The following MCTP1 variants were observed in gnomAD, a reference collection of about 807,000 sequenced individuals.
MCTP1 encodes the protein multiple C2 and transmembrane domain-containing protein 1.
MCTP1 carries 69 observed loss-of-function variants against 120.6 expected under a neutral mutation model. That is an observed-to-expected ratio of 0.57 (90% confidence interval 0.47 to 0.70). The LOEUF (loss-of-function observed/expected upper bound fraction) is 0.70, where lower values mean the gene tolerates loss of function less well. Among genes scored for constraint, MCTP1 ranks in the 30% least tolerant of loss-of-function variants. MCTP1 has a pLI of 0.00. For synonymous variants in MCTP1, 529 were observed against 493.1 expected, an observed-to-expected ratio of 1.07 and a Z score of -0.96; for missense variants, 1,203 against 1,248.8, an observed-to-expected ratio of 0.96 and a Z score of 0.55.
At chr5:95,107,552 T>C (rs1326432624) in intron 1 of MCTP1, among the ~76,000 whole-genome samples, 1 of 152,172 alleles carries the variant, frequency 6.6e-6, no homozygotes, top group East Asian at 1.9e-4. Context: ...AATGCCAAGG[T>C]TAAGAGGTAC....
intron 1 of MCTP1, among the ~76,000 whole-genome samples, chr5:95,207,966 A>AGG (rs928391551): frequency 3.2e-5 from 3 of 94,504 alleles, no homozygotes; most frequent in African/African-American, 1.0e-4. Flanking sequence ...AGGGAGAGAG[A>AGG]GGGAGAGAGA....
intron 1 of MCTP1, among the ~76,000 whole-genome samples, chr5:95,049,680 A>G (rs1367942397): frequency 1.3e-5 from 2 of 152,194 alleles, no homozygotes; most frequent in African/African-American, 4.8e-5. Context: ...ATTTGTTAAT[A>G]ATTATCTAAT....
chr5:94,880,553 A>G (rs950563813), intron 12 of MCTP1, among the ~76,000 whole-genome samples: 2 of 152,114 alleles, frequency 1.3e-5, no homozygotes, highest in African/African-American at 4.8e-5. Flanking sequence ...TTGTCTCTTT[A>G]TTCCTCTTTT....
intron 12 of MCTP1, among the ~76,000 whole-genome samples, chr5:94,886,887 A>G (rs752392353): frequency 3.3e-4 from 50 of 152,042 alleles, no homozygotes; most frequent in Non-Finnish European, 5.9e-4. Context: ...GTGTGTGTGT[A>G]TATATAAAGT....
At chr5:95,166,917 C>CTTT (rs386404479) in intron 1 of MCTP1, among the ~76,000 whole-genome samples, 2,466 of 137,808 alleles carry the variant, frequency 0.018, 64 homozygotes, top group African/African-American at 0.051. Flanking sequence ...CCTTTCTATT[C>CTTT]TTTTTTTTTT....
chr5:95,210,425 G>A (rs1423713209), intron 1 of MCTP1, among the ~76,000 whole-genome samples: 1 of 150,614 alleles, frequency 6.6e-6, no homozygotes, highest in Non-Finnish European at 1.5e-5. Context: ...TTACCATTAT[G>A]TAGTGGCCTT....
At chr5:95,077,127 T>C (rs1753767829) in intron 1 of MCTP1, among the ~76,000 whole-genome samples, 1 of 152,148 alleles carries the variant, frequency 6.6e-6, no homozygotes, top group Non-Finnish European at 1.5e-5. Flanking sequence ...TCTAATGAAA[T>C]ATTGTGGGGA....
chr5:94,889,035 G>A (rs1293213241), intron 11 of MCTP1, 63 bp from the exon 12 acceptor site: 6 of 1,067,588 alleles, frequency 5.6e-6, no homozygotes, highest in Non-Finnish European at 1.4e-6. Flanking sequence ...AGAGTGTGCT[G>A]AGAAAACATT....
chr5:95,116,473 T>C (rs1260560147), intron 1 of MCTP1, among the ~76,000 whole-genome samples: 1 of 152,200 alleles, frequency 6.6e-6, no homozygotes, highest in Non-Finnish European at 1.5e-5. Context: ...GCATGATGCC[T>C]CCAGTTTTGT....
intron 1 of MCTP1, among the ~76,000 whole-genome samples, chr5:95,085,348 T>C (rs1755346052): frequency 6.6e-6 from 1 of 152,038 alleles, no homozygotes; most frequent in African/African-American, 2.4e-5. Flanking sequence ...ATAAACAAGA[T>C]ATTAATTTGC....
At chr5:94,848,391 G>A (rs770412400) in intron 17 of MCTP1, among the ~76,000 whole-genome samples, 6 of 151,722 alleles carry the variant, frequency 4.0e-5, no homozygotes, top group Non-Finnish European at 7.4e-5. Context: ...AGCCTTGGGG[G>A]TCACCCTCCG....
At chr5:95,198,119 A>G (rs965412077) in intron 1 of MCTP1, among the ~76,000 whole-genome samples, 1 of 152,108 alleles carries the variant, frequency 6.6e-6, no homozygotes, top group Non-Finnish European at 1.5e-5. Flanking sequence ...ACCTATATAC[A>G]TATATATGTG....
At chr5:95,080,823 T>C (rs1206016669) in intron 1 of MCTP1, among the ~76,000 whole-genome samples, 1 of 152,178 alleles carries the variant, frequency 6.6e-6, no homozygotes, top group Admixed American at 6.6e-5. Flanking sequence ...AGTGAGAAAG[T>C]AGGCAGTGAT....
chr5:95,092,370 A>G (rs1400778950), intron 1 of MCTP1, among the ~76,000 whole-genome samples: 13 of 152,230 alleles, frequency 8.5e-5, no homozygotes, highest in Admixed American at 8.5e-4. Context: ...ACTTGGAGAT[A>G]TAGCCAGAGG....
intron 1 of MCTP1, among the ~76,000 whole-genome samples, chr5:95,242,225 T>G (rs184108047): frequency 7.2e-4 from 110 of 152,294 alleles, no homozygotes; most frequent in African/African-American, 2.6e-3. Flanking sequence ...TTTTCCCTTT[T>G]GTGTTTCCTA....
chr5:95,132,643 T>C (rs1345673315), intron 1 of MCTP1, among the ~76,000 whole-genome samples: 1 of 152,152 alleles, frequency 6.6e-6, no homozygotes, highest in Non-Finnish European at 1.5e-5. Context: ...CGCTCTATCC[T>C]CTGCCAGGTG....
At chr5:94,740,349 AATGAGT>A (rs1765233039) in intron 19 of MCTP1, among the ~76,000 whole-genome samples, 1 of 152,226 alleles carries the variant, frequency 6.6e-6, no homozygotes, top group African/African-American at 2.4e-5. Flanking sequence ...TGACACTGAT[AATGAGT>A]ATGTTTCAGA....
chr5:94,707,559 G>A lies in MCTP1; in HGVS notation c.2937C>T (p.Tyr979=). ...RVPSDVQVVQ[Y]QELKPDPSHS... ...GAGAAGGATCTGGTTTCAGTTCTTG[G>A]TATTGCACCTGTTTAAACAGAGTTC... The change falls in exon 23 of 23, where the codon TAC becomes TAT. Residue 979 remains tyrosine (Y), a synonymous_variant. Coordinates refer to ENST00000515393, the MANE Select transcript of MCTP1 (RefSeq NM_024717.7). 1.2e-6 allele frequency: 2 copies of A among 1,611,286 alleles called. No homozygotes were observed. Among genetic ancestry groups the A allele is most frequent in the African/African-American group, 1.3e-5 (1 of 74,806 alleles).
chr5:94,859,088 C>G (rs1388132634), intron 17 of MCTP1, among the ~76,000 whole-genome samples: 2 of 151,606 alleles, frequency 1.3e-5, no homozygotes, highest in Non-Finnish European at 3.0e-5. Context: ...TCCATTTTAA[C>G]TACATATCAG....
Sources: allele counts gnomAD v4.1 joint callset (sites outside exome capture counted in the v4.1 genomes callset), GRCh38; gene constraint gnomAD v4.1.1; transcripts MANE v1.5; gene names NCBI Gene and HGNC (gene_info 2026-07-23, HGNC 2026-07-21).